PCDHA9: variants seen among roughly 807,000 people sequenced by gnomAD.
The protein encoded by PCDHA9 is protocadherin alpha 9.
A neutral mutation model predicts 62.0 loss-of-function variants in PCDHA9; 62 were observed. That is an observed-to-expected ratio of 1.00 (90% CI 0.81 to 1.23). The LOEUF is 1.23. Among genes scored for constraint, PCDHA9 ranks in the 50% most tolerant of loss-of-function variants. The pLI is 0.00. For synonymous variants in PCDHA9, 557 were observed against 567.6 expected, an observed-to-expected ratio of 0.98 and a Z score of 0.27; for missense variants, 1,205 against 1,249.8, an observed-to-expected ratio of 0.96 and a Z score of 0.54.
At position 141,010,430 on chromosome 5, in the gene PCDHA9, A is replaced by T; in HGVS notation, c.*493A>T. On this transcript the variant is annotated 3_prime_UTR_variant, in exon 4 of 4. Transcript: ENST00000532602. ...CTAATTGGTACAAGGAAGGCAAGAA[A>T]ACAAAGACAAATAAACAGCGGAAGT... 9.4e-7 allele frequency: 1 copy of T among 1,058,474 alleles called. No homozygotes were observed. Among genetic ancestry groups the T allele is most frequent in the Non-Finnish European group, 1.3e-6 (1 of 756,992 alleles). 65.6% of individuals were successfully genotyped at this position (1,058,474 alleles called of 1,614,324 possible). A position where few individuals can be genotyped will look rare whatever the true frequency, so the allele number is the denominator to read the frequency against.
chr5:140,945,909 TC>T (rs1440194990), intron 1 of PCDHA9, among the ~76,000 whole-genome samples: 3 of 151,962 alleles, frequency 2.0e-5, no homozygotes, highest in African/African-American at 7.2e-5. Context: ...AGATGAAAGA[TC>T]AATAACACTG....
At chr5:140,919,452 A>G (rs1430872710) in intron 1 of PCDHA9, among the ~76,000 whole-genome samples, 4 of 152,182 alleles carry the variant, frequency 2.6e-5, no homozygotes, top group Non-Finnish European at 4.4e-5. Context: ...ATGTATTCAC[A>G]TGATGTTACT....
chr5:140,969,354 T>G, intron 1 of PCDHA9: 1 of 1,612,552 alleles, frequency 6.2e-7, no homozygotes. Context: ...TCAGGGGGTC[T>G]TCTACAAACT....
chr5:140,881,587 G>C (rs1025219392), intron 1 of PCDHA9, among the ~76,000 whole-genome samples: 2 of 152,186 alleles, frequency 1.3e-5, no homozygotes, highest in Non-Finnish European at 1.5e-5. Context: ...CACATTGAGG[G>C]AAATTTATTA....
chr5:140,884,116 C>T (rs1554181240), intron 1 of PCDHA9: 2 of 1,613,304 alleles, frequency 1.2e-6, no homozygotes, highest in South Asian at 2.2e-5. Context: ...TGGCGGCGGT[C>T]GGCGCGCGCA....
chr5:140,919,335 G>A (rs1347619989), intron 1 of PCDHA9, among the ~76,000 whole-genome samples: 2 of 152,122 alleles, frequency 1.3e-5, no homozygotes, highest in African/African-American at 4.8e-5. Context: ...CTTTCAATCT[G>A]TTTGTATCTT....
intron 1 of PCDHA9, among the ~76,000 whole-genome samples, chr5:140,977,958 C>T (rs1912706): frequency 0.036 from 5,518 of 152,194 alleles, 299 homozygotes; most frequent in African/African-American, 0.12. Context: ...AGGGCCACCT[C>T]AATCTCCGCC....
chr5:140,944,664 T>A (rs2093679523), intron 1 of PCDHA9, among the ~76,000 whole-genome samples: 1 of 152,202 alleles, frequency 6.6e-6, no homozygotes, highest in South Asian at 2.1e-4. Context: ...ACCCCTTATT[T>A]ATCTATTCTG....
At position 140,929,021 on chromosome 5, in the gene PCDHA9, G is replaced by C. The variant is rs782118774; in HGVS notation, c.2395-49928G>C. On this transcript the variant is annotated intron_variant, in intron 1 of 3. Coordinates refer to ENST00000532602, the MANE Select transcript of PCDHA9 (RefSeq NM_031857.2). ...TTCGTGTGTACCAAGTTGCACCAGA[G>C]CCCAGGCTGTTGCGCTCAGAGCTGC... is the stretch of plus-strand genomic sequence containing the variant. The C allele has an allele frequency of 2.5e-6, 4 of 1,614,072 alleles. No individual in the cohort carries two copies. The African/African-American group carries it at 5.3e-5, about 22-fold the overall frequency.
At chr5:140,960,380 A>G (rs2095544105) in intron 1 of PCDHA9, among the ~76,000 whole-genome samples, 2 of 152,200 alleles carry the variant, frequency 1.3e-5, no homozygotes, top group African/African-American at 4.8e-5. Flanking sequence ...TTAAGTGCCA[A>G]GACATTAGGA....
At chr5:140,964,584 A>G (rs1347418719) in intron 1 of PCDHA9, among the ~76,000 whole-genome samples, 2 of 152,132 alleles carry the variant, frequency 1.3e-5, no homozygotes, top group African/African-American at 4.8e-5. Context: ...GGGAGGAAAG[A>G]TCACTTTTCA....
chr5:141,009,717 A>C lies in PCDHA9; in HGVS notation c.2633A>C (p.Gln878Pro). Residue 878 changes from glutamine to proline, a missense_variant, in exon 4 of 4, where the codon CAA becomes CCA. Coordinates refer to ENST00000532602, the MANE Select transcript of PCDHA9 (RefSeq NM_031857.2). ...AAATACGGACCAGGCAACCCCAAAC[A>C]ATCCGGTCCCGGTGAGTTGCCCGAC... ...TFKYGPGNPK[Q>P]SGPGELPDKF... is the part of the protein sequence containing the mutation. 4 of 1,614,058 alleles carry C rather than the reference A, an allele frequency of 2.5e-6. No homozygotes were observed. The highest frequency in any genetic ancestry group is 3.4e-6 in the Non-Finnish European group (4 of 1,180,004).
At chr5:140,869,628 T>TGAGTATTTTTCTTTA in intron 1 of PCDHA9, 1 of 1,613,700 alleles carries the variant, frequency 6.2e-7, no homozygotes, top group Non-Finnish European at 8.5e-7. Flanking sequence ...TAAGTAAAAA[T>TGAGTATTTTTCTTTA]GAGTATTTTT....
chr5:140,996,803 G>A (rs2097746425), intron 3 of PCDHA9, among the ~76,000 whole-genome samples: 1 of 152,224 alleles, frequency 6.6e-6, no homozygotes, highest in African/African-American at 2.4e-5. Flanking sequence ...ATCCAATCAT[G>A]CTTTCCAAAA....
intron 1 of PCDHA9, among the ~76,000 whole-genome samples, chr5:140,889,878 A>G (rs1456816812): frequency 6.6e-6 from 1 of 152,178 alleles, no homozygotes; most frequent in African/African-American, 2.4e-5. Flanking sequence ...GCCTGCCACC[A>G]TGTAAGAATT....
At position 140,868,760 on chromosome 5, in the gene PCDHA9, T is replaced by A. The variant is rs554040026; in HGVS notation, c.2394+17871T>A. On this transcript the variant is annotated intron_variant, in intron 1 of 3. Transcript: ENST00000532602. ...AATACAATGCCATTTCCATATATATTTAGTTTCAATATGACTTATAATCTG... is the reference window on the plus strand; with the variant it reads ...AATACAATGCCATTTCCATATATATATAGTTTCAATATGACTTATAATCTG... The A allele has an allele frequency of 3.0e-3, 699 of 232,214 alleles. 6 individuals carry two copies. The highest frequency in any genetic ancestry group is 0.014 in the African/African-American group (640 of 44,274). The allele number at this position is 232,214 out of a possible 1,614,324, so 14.4% of individuals were successfully genotyped here.
intron 1 of PCDHA9, chr5:140,966,989 G>A: frequency 5.0e-6 from 8 of 1,604,148 alleles, no homozygotes; most frequent in Non-Finnish European, 6.8e-6. Context: ...CTTGGGGCCG[G>A]GTTGCTTGCG....
rs147537783 is a variant in PCDHA9 at position 140,982,491 on chromosome 5, G to C, written c.2470G>C (p.Glu824Gln). 1 of 1,614,076 alleles carries C rather than the reference G, an allele frequency of 6.2e-7. No individual in the cohort carries two copies. Among genetic ancestry groups the C allele is most frequent in the African/African-American group, 1.3e-5 (1 of 74,924 alleles). The change falls in exon 3 of 4, where the codon GAG becomes CAG. Residue 824 changes from glutamate to glutamine, a missense_variant. Physicochemically the swap from Glu to Gln is conservative, Grantham distance 29. Around this residue, in one of 3 missense-constraint regions of PCDHA9, gnomAD observed 887 missense variants for 809.5 expected, o/e 1.10. Coordinates refer to ENST00000532602, the MANE Select transcript of PCDHA9 (RefSeq NM_031857.2). ...TTTATTCAGCTCTGTGCACCTAGAG[G>C]AGGCTGGCATTCTACGGGCTGGTCC... is the stretch of plus-strand genomic sequence containing the variant. ...AGMHSSVHLE[E>Q]AGILRAGPGG...
At chr5:140,965,030 C>A (rs2095870201) in intron 1 of PCDHA9, among the ~76,000 whole-genome samples, 1 of 152,166 alleles carries the variant, frequency 6.6e-6, no homozygotes, top group East Asian at 1.9e-4. Flanking sequence ...GCTCCTTTAA[C>A]TGTCCGCTCT....
Sources: allele counts gnomAD v4.1 joint callset (sites outside exome capture counted in the v4.1 genomes callset), GRCh38; gene constraint gnomAD v4.1.1; regional missense constraint gnomAD v4.1.1; transcripts MANE v1.5; gene names NCBI Gene and HGNC (gene_info 2026-07-23, HGNC 2026-07-21).